Variants in CPSF3 observed in about 807,000 individuals in gnomAD.
The protein encoded by CPSF3 is cleavage and polyadenylation specific factor 3, also known as cleavage and polyadenylation specificity factor subunit 3.
Under a neutral mutation model 84.1 loss-of-function variants are expected in CPSF3, and 57 were observed. The observed-to-expected ratio is 0.68, with a 90% CI of 0.55 to 0.85. The LOEUF (loss-of-function observed/expected upper bound fraction) is 0.85. CPSF3 is among the 40% of genes least tolerant of loss of function. CPSF3 has a pLI of 0.00. For missense variants in CPSF3, 522 were observed against 838.8 expected, an observed-to-expected ratio of 0.62 and a Z score of 4.66; for synonymous variants, 275 against 278.1, an observed-to-expected ratio of 0.99 and a Z score of 0.11.
chr2:9,452,557 C>T (rs1455455168), intron 11 of CPSF3, among the ~76,000 whole-genome samples: 1 of 152,154 alleles, frequency 6.6e-6, no homozygotes, highest in Non-Finnish European at 1.5e-5. Flanking sequence ...GAGTTTGCAG[C>T]CAGCCTGAGG....
At chr2:9,462,669 T>C (rs190153016) in intron 15 of CPSF3, among the ~76,000 whole-genome samples, 4 of 152,378 alleles carry the variant, frequency 2.6e-5, no homozygotes, top group Admixed American at 2.0e-4. Context: ...ATCTTGATTA[T>C]TTCTCTTAAT....
intron 11 of CPSF3, among the ~76,000 whole-genome samples, chr2:9,448,633 T>G (rs1373420424): frequency 6.6e-6 from 1 of 152,174 alleles, no homozygotes; most frequent in African/African-American, 2.4e-5. Flanking sequence ...CTCGGCTCAC[T>G]GCAACCTCCG....
chr2:9,472,978 T>C lies in CPSF3; in HGVS notation c.2016T>C (p.Ala672=). The change falls in exon 18 of 18, where the codon GCT becomes GCC. Residue 672 remains alanine (A), a synonymous_variant. Transcript: ENST00000238112. ...DESLREMVEL[A]AQRLYEALTP... is the part of the protein sequence containing the mutation. Reference sequence around the variant, plus strand: ...CCCTCCGAGAAATGGTGGAGCTGGCTGCACAGAGACTGTACGAGGCCCTGA... The same window carrying C: ...CCCTCCGAGAAATGGTGGAGCTGGCCGCACAGAGACTGTACGAGGCCCTGA... 6.2e-7 allele frequency: 1 copy of C among 1,614,056 alleles called. No homozygotes were observed. Among genetic ancestry groups the C allele is most frequent in the Non-Finnish European group, 8.5e-7 (1 of 1,179,978 alleles).
Position 9,430,781 on chromosome 2 carries a change from C to T in CPSF3, c.242C>T (p.Pro81Leu). The T allele has an allele frequency of 6.2e-7, 1 of 1,613,600 alleles. No individual in the cohort carries two copies. Among genetic ancestry groups the T allele is most frequent in the Non-Finnish European group, 8.5e-7 (1 of 1,179,732 alleles). The stretch of plus-strand genomic sequence containing the variant: ...CATTTGGATCACTGTGGAGCTCTGC[C>T]CTGGTTTCTACAGAAGACAAGTTTC... ...HFHLDHCGALPWFLQKTSFKG... is the reference protein window; with the variant it reads ...HFHLDHCGALLWFLQKTSFKG... The change falls in exon 4 of 18, where the codon CCC becomes CTC. Residue 81 changes from proline (P) to leucine (L), a missense_variant. Coordinates refer to ENST00000238112, the MANE Select transcript of CPSF3 (RefSeq NM_016207.4).
At chr2:9,429,676 C>T (rs1019376678) in intron 2 of CPSF3, among the ~76,000 whole-genome samples, 1 of 152,128 alleles carries the variant, frequency 6.6e-6, no homozygotes, top group Admixed American at 6.6e-5. Context: ...CCAAAAGTAG[C>T]TGGAAAGAAG....
intron 1 of CPSF3, among the ~76,000 whole-genome samples, chr2:9,428,050 G>T (rs1329720891): frequency 6.7e-6 from 1 of 150,290 alleles, no homozygotes; most frequent in South Asian, 2.1e-4. Context: ...AGGCTGGAGC[G>T]CAGTGGCGCG....
chr2:9,456,230 G>C (rs1275444993), intron 13 of CPSF3, among the ~76,000 whole-genome samples: 1 of 152,164 alleles, frequency 6.6e-6, no homozygotes, highest in Non-Finnish European at 1.5e-5. Context: ...AACCTAGTCT[G>C]CTTTCATTAT....
chr2:9,468,618 C>A (rs62120283), intron 16 of CPSF3, among the ~76,000 whole-genome samples: 1 of 136,498 alleles, frequency 7.3e-6, no homozygotes, highest in Non-Finnish European at 1.6e-5. Context: ...TCTACACTGA[C>A]CTTTTTTTTT....
rs1558467375 is a variant in CPSF3, at chr2:9,467,753, C to G, written c.1833C>G (p.Ser611Arg). The G allele has an allele frequency of 6.2e-7, 1 of 1,613,026 alleles. No individual in the cohort carries two copies. Among genetic ancestry groups the G allele is most frequent in the East Asian group, 2.2e-5 (1 of 44,824 alleles). ...VSKKLEMHVYSKRLEIMLQDI... is the reference protein window; with the variant it reads ...VSKKLEMHVYRKRLEIMLQDI... ...AAAAATTAGAAATGCACGTTTACAGCAAGAGGTTGGAGATCATGCTCCAGT... is the reference window on the plus strand; with the variant it reads ...AAAAATTAGAAATGCACGTTTACAGGAAGAGGTTGGAGATCATGCTCCAGT... Residue 611 changes from serine (S) to arginine (R), a missense_variant, in exon 16 of 18, where the codon AGC (serine) becomes AGG (arginine). Physicochemically the swap from Ser to Arg is moderately radical, Grantham distance 110 (BLOSUM62 -1). Coordinates refer to ENST00000238112, the MANE Select transcript of CPSF3 (RefSeq NM_016207.4).
chr2:9,466,261 CACAAAGACGCACGCACACACGT>C, intron 15 of CPSF3, among the ~76,000 whole-genome samples: 1 of 44,756 alleles, frequency 2.2e-5, no homozygotes, highest in South Asian at 6.3e-4. Flanking sequence ...CACACACGCA[CACAAAGACGCACGCACACACGT>C]GCGCACACAG....
Position 9,432,590 on chromosome 2 carries a change from C to A in CPSF3, c.421C>A (p.His141Asn). Reference sequence around the variant, plus strand: ...GGACAAAATTGAAACTATCAACTTTCATGAAGTTAAGGAAGTTGCGGGAAT... The same window carrying A: ...GGACAAAATTGAAACTATCAACTTTAATGAAGTTAAGGAAGTTGCGGGAAT... Reference protein sequence around the residue: ...SMDKIETINFHEVKEVAGIKF... With the variant: ...SMDKIETINFNEVKEVAGIKF... The change falls in exon 5 of 18, where the codon CAT (histidine) becomes AAT (asparagine). Residue 141 changes from histidine to asparagine, a missense_variant. Around this residue, in one of 2 missense-constraint regions of CPSF3, gnomAD observed 329 missense variants for 607.2 expected, o/e 0.54. Coordinates refer to ENST00000238112, the MANE Select transcript of CPSF3 (RefSeq NM_016207.4). The A allele has an allele frequency of 6.3e-7, 1 of 1,585,340 alleles. No individual in the cohort carries two copies. The highest frequency in any genetic ancestry group is 1.1e-5 in the South Asian group (1 of 87,178).
chr2:9,445,289 T>C (rs1302224483), intron 10 of CPSF3, among the ~76,000 whole-genome samples: 1 of 152,220 alleles, frequency 6.6e-6, no homozygotes, highest in Admixed American at 6.5e-5. Flanking sequence ...TGTTGTGGCA[T>C]GTATCAGCAC....
chr2:9,431,530 T>TATATTTTTTTTC lies in CPSF3; in HGVS notation c.341+650_341+651insATATTTTTTTTC, dbSNP rs59295636. ...ACACAAAGATAAATAAATATACATA[T>TATATTTTTTTTC]TTTTTTTTTCTTTTTTTTTTTCTTT... On this transcript the variant is annotated intron_variant, in intron 4 of 17. Coordinates refer to ENST00000238112, the MANE Select transcript of CPSF3 (RefSeq NM_016207.4). 2.4e-5 allele frequency among the ~76,000 whole-genome samples: 3 copies of TATATTTTTTTTC among 126,924 alleles called. 1 individual carries two copies. The highest frequency in any genetic ancestry group is 3.2e-5 in the Non-Finnish European group (2 of 61,882). The allele number at this position is 126,924 out of a possible 152,430, so 83.3% of individuals were successfully genotyped here.
rs1283947673 is a variant in CPSF3 at position 9,435,721 on chromosome 2, TTTG to T, written c.610-478_610-476del. Among the ~76,000 whole-genome samples the T allele has an allele frequency of 5.3e-5, 8 of 151,162 alleles. No homozygotes were observed. The East Asian group carries it at 7.8e-4, about 15-fold the overall frequency. On this transcript the variant is annotated intron_variant, in intron 6 of 17. Coordinates refer to ENST00000238112, the MANE Select transcript of CPSF3 (RefSeq NM_016207.4). ...CATGAGCCACCATGCCCGGCCTCTTTTTGTTGTTGTTGTTAAATTTTATTTTTT... is the reference window on the plus strand; with the variant it reads ...CATGAGCCACCATGCCCGGCCTCTTTTTGTTGTTGTTAAATTTTATTTTTT...
At chr2:9,470,422 C>T (rs1371350803) in intron 16 of CPSF3, among the ~76,000 whole-genome samples, 4 of 152,130 alleles carry the variant, frequency 2.6e-5, no homozygotes, top group South Asian at 4.1e-4. Context: ...AGAGTCACTG[C>T]CTGCCTTTCT....
At chr2:9,455,323 A>C (rs531088189) in intron 12 of CPSF3, among the ~76,000 whole-genome samples, 12 of 152,022 alleles carry the variant, frequency 7.9e-5, no homozygotes, top group African/African-American at 2.7e-4. Flanking sequence ...TGTAGTAGAG[A>C]CGGTGTTTCA....
chr2:9,452,171 A>C lies in CPSF3; in HGVS notation c.1396-742A>C, dbSNP rs1039659728. On this transcript the variant is annotated intron_variant, in intron 11 of 17. Transcript: ENST00000238112. ...TGGTGAAGCCCCATTTCTACTAAAAATAGAAAAATTAGCCGGGCATGGTGG... is the reference window on the plus strand; with the variant it reads ...TGGTGAAGCCCCATTTCTACTAAAACTAGAAAAATTAGCCGGGCATGGTGG... Among the ~76,000 whole-genome samples, 9 of 152,064 alleles carry C rather than the reference A, an allele frequency of 5.9e-5. 1 individual carries two copies. The highest frequency in any genetic ancestry group is 2.6e-4 in the Admixed American group (4 of 15,270).
chr2:9,450,147 ATTTTTTTTT>A (rs750560891), intron 11 of CPSF3, among the ~76,000 whole-genome samples: 2 of 122,688 alleles, frequency 1.6e-5, no homozygotes, highest in Non-Finnish European at 3.5e-5. Flanking sequence ...ACAGGCACAA[ATTTTTTTTT>A]TTTTTTTTTT....
intron 11 of CPSF3, among the ~76,000 whole-genome samples, chr2:9,449,256 C>T (rs976581161): frequency 1.3e-5 from 2 of 151,754 alleles, no homozygotes; most frequent in East Asian, 1.9e-4. Flanking sequence ...TGGGTGTGGT[C>T]GCAGGTGCCT....
Sources: allele counts gnomAD v4.1 joint callset (sites outside exome capture counted in the v4.1 genomes callset), GRCh38; gene constraint gnomAD v4.1.1; regional missense constraint gnomAD v4.1.1; transcripts MANE v1.5; gene names NCBI Gene and HGNC (gene_info 2026-07-23, HGNC 2026-07-21).